Variants in GALNT18 observed in about 807,000 individuals in gnomAD.
GALNT18 encodes polypeptide N-acetylgalactosaminyltransferase 18, also known as GalNAc-transferase 18.
A neutral mutation model predicts 69.5 loss-of-function variants in GALNT18; 44 were observed. The ratio of observed to expected loss-of-function variants is 0.63; its 90% confidence interval spans 0.50 to 0.81. GALNT18 has a LOEUF of 0.81. Ranked by LOEUF, GALNT18 falls within the 40% of genes least tolerant of loss-of-function variation. The pLI is 0.00. For synonymous variants in GALNT18, 364 were observed against 318.2 expected, an observed-to-expected ratio of 1.14 and a Z score of -1.53; for missense variants, 715 against 810.0, an observed-to-expected ratio of 0.88 and a Z score of 1.42.
At position 11,271,195 on chromosome 11, in the gene GALNT18, G is replaced by A. The variant is rs778024734; in HGVS notation, c.1773C>T (p.Cys591=). 4 of 1,613,982 alleles carry A rather than the reference G, an allele frequency of 2.5e-6. No homozygotes were observed. The African/African-American group carries it at 5.3e-5, about 22-fold the overall frequency. ...TGGTGATGCTCCAGTGCTGGCCCGA[G>A]CACTTCTGCAACACCAGCTGGAAGC... ...EFGFQLVLQK[C]SGQHWSITNV... Residue 591 remains cysteine (C), a synonymous_variant, in exon 11 of 11, where the codon TGC becomes TGT. Transcript: ENST00000227756.
Position 11,621,486 on chromosome 11 carries a change from G to C in GALNT18, c.108C>G (p.Ile36Met). The change falls in exon 1 of 11, where the codon ATC becomes ATG. Residue 36 changes from isoleucine (I) to methionine (M), a missense_variant. Transcript: ENST00000227756. This position sits in a 1 kb window ranked among gnomAD's most constrained non-coding sequence, Gnocchi z 9.3. Reference protein sequence around the residue: ...LLYVGWVTNYIASVYVRGQEP... With the variant: ...LLYVGWVTNYMASVYVRGQEP... Reference sequence around the variant, plus strand: ...CCTGCCCCCGCACATACACGCTGGCGATGTAGTTGGTGACCCAGCCCACGT... The same window carrying C: ...CCTGCCCCCGCACATACACGCTGGCCATGTAGTTGGTGACCCAGCCCACGT... 1 of 1,614,128 alleles carries C rather than the reference G, an allele frequency of 6.2e-7. No homozygotes were observed. The highest frequency in any genetic ancestry group is 1.3e-5 in the African/African-American group (1 of 75,022).
chr11:11,377,239 C>T lies in GALNT18; in HGVS notation c.920G>A (p.Arg307His), dbSNP rs1054356967. The T allele has an allele frequency of 6.8e-6, 11 of 1,613,656 alleles. No individual in the cohort carries two copies. Among genetic ancestry groups the T allele is most frequent in the South Asian group, 1.1e-5 (1 of 91,060 alleles). Reference sequence around the variant, plus strand: ...CCAGGCCTTGGGGGGATTTAGGTAGCGGCACCACAGCTCCCAGTCAAAGCC... The same window carrying T: ...CCAGGCCTTGGGGGGATTTAGGTAGTGGCACCACAGCTCCCAGTCAAAGCC... The part of the protein sequence containing the change: ...AQGFDWELWC[R>H]YLNPPKAWWK... The change falls in exon 5 of 11, where the codon CGC becomes CAC. Residue 307 changes from arginine to histidine, a missense_variant. By Grantham distance (29) the Arg-to-His change is conservative. Transcript: ENST00000227756. The surrounding 1 kb of genome is among the most constrained non-coding windows in gnomAD (Gnocchi z 4.6).
At chr11:11,551,342 C>A (rs552254016) in intron 1 of GALNT18, among the ~76,000 whole-genome samples, 3 of 152,098 alleles carry the variant, frequency 2.0e-5, no homozygotes, top group African/African-American at 7.2e-5. Context: ...TGAAGGAAAA[C>A]GGACAAGTTG....
chr11:11,289,872 G>T (rs527332141), intron 10 of GALNT18, among the ~76,000 whole-genome samples: 57 of 152,288 alleles, frequency 3.7e-4, no homozygotes, highest in African/African-American at 1.3e-3. Flanking sequence ...TATTGGAGGT[G>T]GGCTTGCTGT....
rs541275145 is a variant in GALNT18 at position 11,517,702 on chromosome 11, C to A, written c.236-68766G>T. On this transcript the variant is annotated intron_variant, in intron 1 of 10. Coordinates refer to ENST00000227756, the MANE Select transcript of GALNT18 (RefSeq NM_198516.3). The stretch of plus-strand genomic sequence containing the variant: ...CATAGATGAGGCCGCAGAAACAGGG[C>A]CCCTGCCACAGTGCTCAGTCCCGGT... 4.6e-5 allele frequency among the ~76,000 whole-genome samples: 7 copies of A among 152,186 alleles called. No individual in the cohort carries two copies. In the East Asian group the frequency reaches 1.4e-3, roughly 29 times the overall value.
Position 11,436,572 on chromosome 11 carries a change from A to G in GALNT18, c.429-3785T>C, listed in dbSNP as rs1011506776. Among the ~76,000 whole-genome samples, 1 of 152,162 alleles carries G rather than the reference A, an allele frequency of 6.6e-6. No homozygotes were observed. The highest frequency in any genetic ancestry group is 2.4e-5 in the African/African-American group (1 of 41,438). On this transcript the variant is annotated intron_variant, in intron 2 of 10. Transcript: ENST00000227756. The surrounding 1 kb of genome is among the most constrained non-coding windows in gnomAD (Gnocchi z 4.5). ...CCATGATGCAAGCAGCAGGTCTTCC[A>G]TTGGTGTTTGTTGAATAAATTCCCT...
rs1856090684 is a variant in GALNT18, at chr11:11,463,485, T to C, written c.236-14549A>G. Among the ~76,000 whole-genome samples, 1 of 152,150 alleles carries C rather than the reference T, an allele frequency of 6.6e-6. No individual in the cohort carries two copies. The highest frequency in any genetic ancestry group is 1.5e-5 in the Non-Finnish European group (1 of 68,038). On this transcript the variant is annotated intron_variant, in intron 1 of 10. Coordinates refer to ENST00000227756, the MANE Select transcript of GALNT18 (RefSeq NM_198516.3). This position sits in a 1 kb window ranked among gnomAD's most constrained non-coding sequence, Gnocchi z 4.2. ...AATACGAGCCAGGGCCCCAGCGAGGTTGAGGTCTGCTTACACGTCCCCTGG... is the reference window on the plus strand; with the variant it reads ...AATACGAGCCAGGGCCCCAGCGAGGCTGAGGTCTGCTTACACGTCCCCTGG...
At chr11:11,360,074 A>T (rs530406833) in intron 6 of GALNT18, among the ~76,000 whole-genome samples, 1 of 152,334 alleles carries the variant, frequency 6.6e-6, no homozygotes, top group African/African-American at 2.4e-5. Context: ...TTAAGACCAC[A>T]TAAACACTTA....
chr11:11,388,186 T>C (rs1854097804), intron 3 of GALNT18, among the ~76,000 whole-genome samples: 1 of 152,204 alleles, frequency 6.6e-6, no homozygotes, highest in South Asian at 2.1e-4. Context: ...CCCACCCATC[T>C]GTTTTAAAGT....
Position 11,614,362 on chromosome 11 carries a change from AGAG to A in GALNT18, c.235+6994_235+6996del, listed in dbSNP as rs10612380. Among the ~76,000 whole-genome samples the A allele has an allele frequency of 0.54, 78,852 of 146,186 alleles. 21,229 individuals are homozygous for A. The highest frequency in any genetic ancestry group is 0.67 in the East Asian group (3,262 of 4,884). ...CAAGAGAGTGAGGAGAAGAAGAAGAAGAGGAGGAGGAGGAGGAGGAGGAGGAGG... is the reference window on the plus strand; with the variant it reads ...CAAGAGAGTGAGGAGAAGAAGAAGAAGAGGAGGAGGAGGAGGAGGAGGAGG... On this transcript the variant is annotated intron_variant, in intron 1 of 10. Coordinates refer to ENST00000227756, the MANE Select transcript of GALNT18 (RefSeq NM_198516.3). This position sits in a 1 kb window ranked among gnomAD's most constrained non-coding sequence, Gnocchi z 5.6.
intron 1 of GALNT18, among the ~76,000 whole-genome samples, chr11:11,560,648 T>C (rs375031551): frequency 6.6e-6 from 1 of 152,086 alleles, no homozygotes; most frequent in African/African-American, 2.4e-5. Context: ...ATGGCAGGTG[T>C]GGTTGTGCAG....
intron 1 of GALNT18, among the ~76,000 whole-genome samples, chr11:11,588,004 T>C (rs1481622468): frequency 6.6e-6 from 1 of 152,090 alleles, no homozygotes; most frequent in African/African-American, 2.4e-5. Flanking sequence ...ACACAAGTCC[T>C]TCTGCTTGAG....
chr11:11,290,324 C>T (rs907813511), intron 10 of GALNT18, among the ~76,000 whole-genome samples: 2 of 152,208 alleles, frequency 1.3e-5, no homozygotes, highest in Non-Finnish European at 2.9e-5. Context: ...CTTCATCCTG[C>T]TTCTTTCCTT....
chr11:11,548,268 C>G (rs1387848306), intron 1 of GALNT18, among the ~76,000 whole-genome samples: 1 of 152,206 alleles, frequency 6.6e-6, no homozygotes, highest in Admixed American at 6.5e-5. Context: ...CTGACATTTC[C>G]AATCAATCTT....
chr11:11,342,851 G>C (rs1850234120), intron 6 of GALNT18, among the ~76,000 whole-genome samples: 1 of 152,120 alleles, frequency 6.6e-6, no homozygotes, highest in Admixed American at 6.5e-5. Context: ...CCTCTCCATG[G>C]GGATCATGAG....
chr11:11,284,508 C>A (rs978922022), intron 10 of GALNT18, among the ~76,000 whole-genome samples: 1 of 152,088 alleles, frequency 6.6e-6, no homozygotes, highest in Non-Finnish European at 1.5e-5. Context: ...AGGGTTGGGC[C>A]CAGCTGGTCG....
At chr11:11,460,347 G>C (rs76523903) in intron 1 of GALNT18, among the ~76,000 whole-genome samples, 2,052 of 152,230 alleles carry the variant, frequency 0.013, 43 homozygotes, top group African/African-American at 0.046. Flanking sequence ...GTTATAGTGA[G>C]GCAAAATACC....
chr11:11,448,615 C>G (rs1362105281), intron 2 of GALNT18, 129 bp downstream of exon 2: 1 of 662,490 alleles, frequency 1.5e-6, no homozygotes, highest in Admixed American at 3.7e-5. Context: ...GCCGAGGGGA[C>G]AGGCCCTGGC....
At chr11:11,607,606 T>C (rs1345436304) in intron 1 of GALNT18, among the ~76,000 whole-genome samples, 1 of 152,240 alleles carries the variant, frequency 6.6e-6, no homozygotes, top group Non-Finnish European at 1.5e-5. Flanking sequence ...AAGAAAAGAT[T>C]AAATTGAATC....
Sources: allele counts gnomAD v4.1 joint callset (sites outside exome capture counted in the v4.1 genomes callset), GRCh38; gene constraint gnomAD v4.1.1; non-coding constraint Gnocchi (gnomAD v3.1); transcripts MANE v1.5; gene names NCBI Gene and HGNC (gene_info 2026-07-23, HGNC 2026-07-21).